The following HHIP variants were observed in gnomAD, a reference collection of about 807,000 sequenced individuals.
HHIP encodes hedgehog interacting protein.
In HHIP, 12 loss-of-function variants were observed where a neutral mutation model predicts 74.0. That is an observed-to-expected ratio of 0.16 (90% confidence interval 0.10 to 0.26). The LOEUF is 0.26. Among genes scored for constraint, HHIP ranks in the 10% least tolerant of loss-of-function variants. HHIP has a pLI of 1.00. For missense variants in HHIP, 788 were observed against 845.0 expected (o/e 0.93, Z 0.84); for synonymous variants, 309 against 311.6 (o/e 0.99, Z 0.09).
chr4:144,711,840 A>G (rs1395122813), intron 7 of HHIP, 110 bp from the exon 8 acceptor site: 1 of 1,017,494 alleles, frequency 9.8e-7, no homozygotes, highest in Non-Finnish European at 1.4e-6. Context: ...CTAAATTGCC[A>G]TAGGATCCTT....
intron 11 of HHIP, among the ~76,000 whole-genome samples, chr4:144,719,726 C>G (rs2126671635): frequency 6.6e-6 from 1 of 152,200 alleles, no homozygotes. Context: ...ATAACAAAAC[C>G]TAAGGATTCT....
At chr4:144,693,746 C>T (rs754636949) in intron 4 of HHIP, among the ~76,000 whole-genome samples, 1 of 151,696 alleles carries the variant, frequency 6.6e-6, no homozygotes, top group African/African-American at 2.4e-5. Flanking sequence ...ATGGAGTAGA[C>T]CATAATTTCT....
intron 1 of HHIP, chr4:144,647,183 ATC>A: frequency 2.1e-6 from 1 of 480,598 alleles, no homozygotes; most frequent in Non-Finnish European, 3.6e-6. Flanking sequence ...AAACTTGCCT[ATC>A]TCTGAAAACA....
At chr4:144,710,291 C>T (rs1210747611) in intron 7 of HHIP, among the ~76,000 whole-genome samples, 1 of 152,180 alleles carries the variant, frequency 6.6e-6, no homozygotes, top group Non-Finnish European at 1.5e-5. Context: ...TTTAGTTCCA[C>T]CTTAAGTCAC....
chr4:144,696,738 G>A (rs1429972156), intron 4 of HHIP, among the ~76,000 whole-genome samples: 1 of 151,894 alleles, frequency 6.6e-6, no homozygotes, highest in East Asian at 1.9e-4. Context: ...TAATAAAACA[G>A]TATTAAACTC....
intron 4 of HHIP, among the ~76,000 whole-genome samples, chr4:144,669,940 G>T (rs571649974): frequency 1.4e-5 from 2 of 146,148 alleles, no homozygotes; most frequent in South Asian, 4.4e-4. Flanking sequence ...AAGAGATCCA[G>T]ACTATCCTGA....
intron 1 of HHIP, among the ~76,000 whole-genome samples, chr4:144,652,326 C>T (rs989977431): frequency 3.3e-5 from 5 of 151,916 alleles, no homozygotes; most frequent in Non-Finnish European, 7.4e-5. Context: ...AATATAATTG[C>T]CTTTTAATTT....
chr4:144,745,215 G>A lies in HHIP; in HGVS notation c.*7258G>A, dbSNP rs923495132. On this transcript the variant is annotated 3_prime_UTR_variant, in exon 13 of 13. Coordinates refer to ENST00000296575, the MANE Select transcript of HHIP (RefSeq NM_022475.3). ...GCATGCCTGAAATTTGGTTAGATTG[G>A]CTGTGTTTTGTGTCTTTTAACATGA... 8.6e-5 allele frequency: 13 copies of A among 151,894 alleles called. No homozygotes were observed. The highest frequency in any genetic ancestry group is 1.3e-4 in the Admixed American group (2 of 15,218). The allele number at this position is 151,894 out of a possible 1,614,324, so 9.4% of individuals were successfully genotyped here. A position where few individuals can be genotyped will look rare whatever the true frequency, so the allele number is the denominator to read the frequency against.
chr4:144,736,147 T>TTTG (rs1731113530), intron 12 of HHIP, among the ~76,000 whole-genome samples: 1 of 150,528 alleles, frequency 6.6e-6, no homozygotes. Context: ...TTTTTTTTTT[T>TTTG]TTTTTTGAGG....
chr4:144,731,323 C>T lies in HHIP; in HGVS notation c.1761-3418C>T, dbSNP rs145256408. 1.7e-3 allele frequency among the ~76,000 whole-genome samples: 257 copies of T among 152,250 alleles called. 2 individuals are homozygous for T. The highest frequency in any genetic ancestry group is 5.8e-3 in the African/African-American group (241 of 41,530). On this transcript the variant is annotated intron_variant, in intron 11 of 12. Coordinates refer to ENST00000296575, the MANE Select transcript of HHIP (RefSeq NM_022475.3). ...CATTCTTCTAGGTCCTGGGGAGCCA[C>T]AAGAGATGAGAGGAAGTGTTTGTCC...
chr4:144,680,171 G>A (rs1729296124), intron 4 of HHIP, among the ~76,000 whole-genome samples: 1 of 152,088 alleles, frequency 6.6e-6, no homozygotes, highest in Non-Finnish European at 1.5e-5. Context: ...GTAGTTTTGT[G>A]CAATTATATG....
intron 11 of HHIP, among the ~76,000 whole-genome samples, chr4:144,726,828 T>C (rs1173035674): frequency 6.6e-6 from 1 of 152,208 alleles, no homozygotes; most frequent in Non-Finnish European, 1.5e-5. Context: ...TCTCGATGCA[T>C]CCCACAGTCT....
intron 4 of HHIP, among the ~76,000 whole-genome samples, chr4:144,697,587 A>G (rs2126642320): frequency 6.6e-6 from 1 of 152,172 alleles, no homozygotes; most frequent in Admixed American, 6.6e-5. Context: ...AAGTCAATCC[A>G]ATCTCTAATA....
Position 144,739,548 on chromosome 4 carries a change from C to T in HHIP, c.*1591C>T, listed in dbSNP as rs1731212723. 1 of 152,266 alleles carries T rather than the reference C, an allele frequency of 6.6e-6. No individual in the cohort carries two copies. The highest frequency in any genetic ancestry group is 1.9e-4 in the East Asian group (1 of 5,188). 9.4% of individuals were successfully genotyped at this position (152,266 alleles called of 1,614,324 possible). A position where few individuals can be genotyped will look rare whatever the true frequency, so the allele number is the denominator to read the frequency against. On this transcript the variant is annotated 3_prime_UTR_variant, in exon 13 of 13. Coordinates refer to ENST00000296575, the MANE Select transcript of HHIP (RefSeq NM_022475.3). ...TAAGGTGAGAGATTTGCAATTAAAG[C>T]CCAGTAAGCATTTATATAGAAGCCA...
chr4:144,706,294 T>TA (rs757133307), intron 4 of HHIP, among the ~76,000 whole-genome samples: 3 of 152,198 alleles, frequency 2.0e-5, no homozygotes, highest in Non-Finnish European at 4.4e-5. Context: ...AAAAGTGGTG[T>TA]AAGACTCTTG....
At chr4:144,688,981 A>G (rs752801069) in intron 4 of HHIP, among the ~76,000 whole-genome samples, 4 of 152,216 alleles carry the variant, frequency 2.6e-5, no homozygotes, top group Non-Finnish European at 5.9e-5. Flanking sequence ...AGCGTGTTCT[A>G]GACACTGAAA....
At chr4:144,661,965 T>C (rs1728727125) in intron 4 of HHIP, among the ~76,000 whole-genome samples, 2 of 152,152 alleles carry the variant, frequency 1.3e-5, no homozygotes. Flanking sequence ...GAATTGGTAA[T>C]ACATACTAAA....
intron 2 of HHIP, among the ~76,000 whole-genome samples, chr4:144,653,691 C>T (rs1470119561): frequency 6.6e-6 from 1 of 152,038 alleles, no homozygotes; most frequent in African/African-American, 2.4e-5. Flanking sequence ...TAGAATGCAC[C>T]AAGAGAATTT....
At chr4:144,712,997 TG>T (rs1730345659) in intron 8 of HHIP, among the ~76,000 whole-genome samples, 1 of 151,994 alleles carries the variant, frequency 6.6e-6, no homozygotes, top group Non-Finnish European at 1.5e-5. Flanking sequence ...GATGGAATTT[TG>T]GCTACATTTG....
Sources: allele counts gnomAD v4.1 joint callset (sites outside exome capture counted in the v4.1 genomes callset), GRCh38; gene constraint gnomAD v4.1.1; transcripts MANE v1.5; gene names NCBI Gene and HGNC (gene_info 2026-07-23, HGNC 2026-07-21).